Variants in RPS6KC1 observed in about 807,000 individuals in gnomAD.
RPS6KC1 encodes the protein inactive ribosomal protein S6 kinase delta-1.
In RPS6KC1, 54 loss-of-function variants were observed where a neutral mutation model predicts 103.8. That is an observed-to-expected ratio of 0.52 (90% CI 0.42 to 0.65). RPS6KC1 has a LOEUF of 0.65. Ranked by LOEUF, RPS6KC1 falls within the 30% of genes least tolerant of loss-of-function variation. RPS6KC1 has a pLI of 0.00. For synonymous variants in RPS6KC1, 439 were observed against 438.7 expected (o/e 1.00, Z -0.01); for missense variants, 1,151 against 1,253.8 (o/e 0.92, Z 1.24).
the RPS6KC1 span, among the ~76,000 whole-genome samples, chr1:213,470,322 A>G: frequency 6.6e-6 from 1 of 152,208 alleles, no homozygotes; most frequent in South Asian, 2.1e-4. Context: ...CCACATTCTT[A>G]ATTTTTCTGC....
At chr1:213,438,880 G>A in the RPS6KC1 span, among the ~76,000 whole-genome samples, 1 of 144,970 alleles carries the variant, frequency 6.9e-6, no homozygotes, top group South Asian at 2.3e-4. Flanking sequence ...TGCAAGCTCC[G>A]CCTCCCGGGT....
At chr1:213,532,676 G>C in the RPS6KC1 span, among the ~76,000 whole-genome samples, 1 of 152,232 alleles carries the variant, frequency 6.6e-6, no homozygotes, top group Non-Finnish European at 1.5e-5. Context: ...CTTGCCATGG[G>C]TGGTTGGTAA....
the RPS6KC1 span, among the ~76,000 whole-genome samples, chr1:213,653,902 G>A: frequency 6.6e-6 from 1 of 152,120 alleles, no homozygotes; most frequent in Non-Finnish European, 1.5e-5. Context: ...TCTTTTCCAG[G>A]GAAGTAAAGT....
chr1:213,596,382 A>G, the RPS6KC1 span, among the ~76,000 whole-genome samples: 7 of 152,268 alleles, frequency 4.6e-5, no homozygotes, highest in East Asian at 1.2e-3. Context: ...TCCTCCCTCT[A>G]TTATAAAGGG....
At chr1:213,798,403 T>A in the RPS6KC1 span, among the ~76,000 whole-genome samples, 3 of 152,158 alleles carry the variant, frequency 2.0e-5, no homozygotes, top group Non-Finnish European at 4.4e-5. Context: ...TCTGTACTCT[T>A]AGAAGTCACC....
At chr1:213,438,266 C>T in the RPS6KC1 span, among the ~76,000 whole-genome samples, 1 of 152,042 alleles carries the variant, frequency 6.6e-6, no homozygotes, top group Non-Finnish European at 1.5e-5. Context: ...ATTTTTGAGT[C>T]TGTTTCTATT....
At chr1:213,338,597 A>G in the RPS6KC1 span, among the ~76,000 whole-genome samples, 1 of 152,260 alleles carries the variant, frequency 6.6e-6, no homozygotes, top group Non-Finnish European at 1.5e-5. Context: ...AAAAGAATAG[A>G]TTGGAGGTAA....
chr1:213,382,973 C>T, the RPS6KC1 span, among the ~76,000 whole-genome samples: 3 of 152,204 alleles, frequency 2.0e-5, no homozygotes, highest in South Asian at 2.1e-4. Flanking sequence ...AATCGAATAA[C>T]GGATTGGCCA....
At chr1:213,097,073 G>A (rs1420705545) in intron 3 of RPS6KC1, among the ~76,000 whole-genome samples, 1 of 152,136 alleles carries the variant, frequency 6.6e-6, no homozygotes, top group Non-Finnish European at 1.5e-5. Context: ...TATTTTGAAA[G>A]GGCAGGGCAC....
At chr1:213,065,282 A>G (rs1470246616) in intron 1 of RPS6KC1, among the ~76,000 whole-genome samples, 4 of 152,112 alleles carry the variant, frequency 2.6e-5, no homozygotes, top group Non-Finnish European at 5.9e-5. Context: ...GCCCTTTGTG[A>G]ACTTTTAATG....
chr1:213,242,707 C>A, intron 12 of RPS6KC1, 49 bp downstream of exon 12: 1 of 1,297,896 alleles, frequency 7.7e-7, no homozygotes, highest in Non-Finnish European at 1.1e-6. Context: ...GGTTCGGCAG[C>A]TCTCATTTCT....
the RPS6KC1 span, among the ~76,000 whole-genome samples, chr1:213,585,929 A>G: frequency 8.5e-5 from 13 of 152,108 alleles, no homozygotes; most frequent in African/African-American, 3.1e-4. Flanking sequence ...TGGAGAGGGG[A>G]TATGCTGGAT....
At chr1:213,291,528 CTAAT>C in the RPS6KC1 span, among the ~76,000 whole-genome samples, 6 of 152,280 alleles carry the variant, frequency 3.9e-5, no homozygotes, top group South Asian at 2.1e-4. Flanking sequence ...GAGAAGTTGA[CTAAT>C]TAATTGACCA....
At chr1:213,647,600 T>C in the RPS6KC1 span, among the ~76,000 whole-genome samples, 1 of 152,106 alleles carries the variant, frequency 6.6e-6, no homozygotes, top group African/African-American at 2.4e-5. Context: ...TTCTAAATAA[T>C]CCTGAGGTTC....
At chr1:213,411,897 G>A in the RPS6KC1 span, among the ~76,000 whole-genome samples, 1 of 152,192 alleles carries the variant, frequency 6.6e-6, no homozygotes, top group Non-Finnish European at 1.5e-5. Context: ...GGGTGAGAGT[G>A]TGGCAGCCCT....
At chr1:213,673,796 TC>T in the RPS6KC1 span, among the ~76,000 whole-genome samples, 1 of 152,316 alleles carries the variant, frequency 6.6e-6, no homozygotes, top group Non-Finnish European at 1.5e-5. Context: ...TTCAATCTTA[TC>T]CCTTTCTTTT....
At chr1:213,169,849 T>G (rs1318086822) in intron 7 of RPS6KC1, among the ~76,000 whole-genome samples, 1 of 150,896 alleles carries the variant, frequency 6.6e-6, no homozygotes, top group Non-Finnish European at 1.5e-5. Context: ...TGGCGCGATC[T>G]CAGCTCACTG....
the RPS6KC1 span, among the ~76,000 whole-genome samples, chr1:213,803,013 G>A: frequency 6.6e-6 from 1 of 152,252 alleles, no homozygotes; most frequent in African/African-American, 2.4e-5. Context: ...AACTCTGCTA[G>A]GCATGGGACC....
At position 213,247,793 on chromosome 1, in the gene RPS6KC1, C is replaced by T. The variant is rs144391480; in HGVS notation, c.2911+5135C>T. Among the ~76,000 whole-genome samples, 400 of 152,236 alleles carry T rather than the reference C, an allele frequency of 2.6e-3. 2 individuals are homozygous for T. The highest frequency in any genetic ancestry group is 9.3e-3 in the African/African-American group (387 of 41,542). On this transcript the variant is annotated intron_variant, in intron 12 of 14. Coordinates refer to ENST00000366960, the MANE Select transcript of RPS6KC1 (RefSeq NM_012424.6). ...AAATGTACTCAAAATTGAAGTTCAT[C>T]ATATTAAGGCAGGATTTTCCCCCCA...
Sources: allele counts gnomAD v4.1 joint callset (sites outside exome capture counted in the v4.1 genomes callset), GRCh38; gene constraint gnomAD v4.1.1; transcripts MANE v1.5; gene names NCBI Gene and HGNC (gene_info 2026-07-23, HGNC 2026-07-21).